Variants in VPS13D observed in about 807,000 individuals in gnomAD.
VPS13D encodes the protein vacuolar protein sorting 13 homolog D, also known as intermembrane lipid transfer protein VPS13D.
Under a neutral mutation model 461.9 loss-of-function variants are expected in VPS13D, and 187 were observed. The observed-to-expected ratio is 0.40, with a 90% confidence interval of 0.36 to 0.46. VPS13D has a LOEUF of 0.46. VPS13D is among the 20% of genes least tolerant of loss of function. The pLI is 0.60. For missense variants in VPS13D, 4,711 were observed against 5,364.9 expected, an observed-to-expected ratio of 0.88 and a Z score of 3.81; for synonymous variants, 1,951 against 1,986.3, an observed-to-expected ratio of 0.98 and a Z score of 0.47.
chr1:12,453,179 G>A lies in VPS13D; in HGVS notation c.12334-2819G>A, dbSNP rs908243623. On this transcript the variant is annotated intron_variant, in intron 65 of 69. Coordinates refer to ENST00000620676, the MANE Select transcript of VPS13D (RefSeq NM_015378.4). ...GTTGGAAATTAAGCTTTTGGCATAG[G>A]CTCACTCATCAACTTTGGATATTAA... Among the ~76,000 whole-genome samples, 13 of 152,204 alleles carry A rather than the reference G, an allele frequency of 8.5e-5. No homozygotes were observed. In the East Asian group the frequency reaches 2.5e-3, roughly 29 times the overall value.
intron 31 of VPS13D, among the ~76,000 whole-genome samples, chr1:12,319,075 G>C (rs1447636384): frequency 6.6e-6 from 1 of 152,214 alleles, no homozygotes. Flanking sequence ...AAACAACCTT[G>C]TAAATAGCTA....
chr1:12,493,796 G>A (rs1378646125), intron 67 of VPS13D, among the ~76,000 whole-genome samples: 1 of 152,212 alleles, frequency 6.6e-6, no homozygotes, highest in Non-Finnish European at 1.5e-5. Context: ...AATTCTTTAA[G>A]ATTGGAACTA....
At chr1:12,384,605 A>C (rs777216799) in intron 58 of VPS13D, among the ~76,000 whole-genome samples, 1 of 152,142 alleles carries the variant, frequency 6.6e-6, no homozygotes, top group Non-Finnish European at 1.5e-5. Flanking sequence ...ATCACAATTC[A>C]CAACACCACT....
intron 68 of VPS13D, among the ~76,000 whole-genome samples, chr1:12,501,632 TAC>T (rs1646036690): frequency 6.6e-6 from 1 of 152,252 alleles, no homozygotes; most frequent in Non-Finnish European, 1.5e-5. Flanking sequence ...GACTAACGCA[TAC>T]ATTTATTGAA....
At position 12,277,834 on chromosome 1, in the gene VPS13D, G is replaced by A; in HGVS notation, c.4246G>A (p.Glu1416Lys). The part of the protein sequence containing the change: ...FIQNFVAGDD[E>K]SRSDRLQVEI... ...CCAGAATTTTGTGGCGGGAGATGAT[G>A]AATCCAGAAGTGACCGTCTGCAGGT... The change falls in exon 19 of 70, where the codon GAA becomes AAA. Residue 1416 changes from glutamate (E) to lysine (K), a missense_variant. Around this residue, in one of 3 missense-constraint regions of VPS13D, gnomAD observed 4,411 missense variants for 4,937.8 expected, o/e 0.89. Coordinates refer to ENST00000620676, the MANE Select transcript of VPS13D (RefSeq NM_015378.4). The A allele has an allele frequency of 7.4e-6, 12 of 1,614,022 alleles. No homozygotes were observed. Among genetic ancestry groups the A allele is most frequent in the Non-Finnish European group, 1.0e-5 (12 of 1,179,962 alleles).
chr1:12,464,915 C>G (rs766643318), intron 67 of VPS13D: 5 of 152,154 alleles, frequency 3.3e-5, no homozygotes, highest in Non-Finnish European at 7.3e-5. Context: ...TTTGTCTGTT[C>G]CCAAGTAAAG....
intron 23 of VPS13D, 29 bp downstream of exon 23, chr1:12,291,153 A>T (rs1484521323): frequency 1.2e-6 from 2 of 1,601,822 alleles, no homozygotes; most frequent in African/African-American, 2.7e-5. Context: ...TTCTGACTTG[A>T]TATTTTATCA....
intron 2 of VPS13D, among the ~76,000 whole-genome samples, chr1:12,242,212 G>C (rs1640398654): frequency 6.6e-6 from 1 of 152,208 alleles, no homozygotes; most frequent in African/African-American, 2.4e-5. Context: ...TGTTAGAGCG[G>C]ACGGCCTGGA....
chr1:12,260,472 T>G (rs139320212), intron 10 of VPS13D, among the ~76,000 whole-genome samples: 44 of 152,314 alleles, frequency 2.9e-4, no homozygotes, highest in African/African-American at 9.6e-4. Context: ...TTGGTGATGT[T>G]TTTAAGACCA....
chr1:12,424,882 G>A (rs755632062), intron 65 of VPS13D, among the ~76,000 whole-genome samples: 6 of 152,088 alleles, frequency 3.9e-5, no homozygotes, highest in Non-Finnish European at 7.4e-5. Context: ...TTGCTAAGTT[G>A]AAAAGACAGA....
intron 22 of VPS13D, 111 bp downstream of exon 22, chr1:12,288,424 T>C: frequency 1.1e-6 from 1 of 931,116 alleles, no homozygotes; most frequent in Non-Finnish European, 1.7e-6. Context: ...GGCAGTGGCT[T>C]GATTGTGGTT....
intron 5 of VPS13D, among the ~76,000 whole-genome samples, chr1:12,246,051 G>GA (rs1219849030): frequency 6.6e-6 from 1 of 152,234 alleles, no homozygotes; most frequent in Admixed American, 6.5e-5. Context: ...GACAGTAGAG[G>GA]AAAGAGCTGA....
intron 36 of VPS13D, among the ~76,000 whole-genome samples, chr1:12,329,243 C>G (rs1246842856): frequency 6.6e-6 from 1 of 151,988 alleles, no homozygotes; most frequent in Admixed American, 6.6e-5. Context: ...AGACAAGAGT[C>G]TTGCTTTGTT....
intron 5 of VPS13D, among the ~76,000 whole-genome samples, chr1:12,245,643 G>T (rs1640526166): frequency 6.6e-6 from 1 of 152,066 alleles, no homozygotes; most frequent in Non-Finnish European, 1.5e-5. Flanking sequence ...AGGATGACTT[G>T]AGCCGAGGAG....
At chr1:12,329,966 A>G (rs1423063939) in intron 37 of VPS13D, 48 bp downstream of exon 37, 9 of 1,296,256 alleles carry the variant, frequency 6.9e-6, no homozygotes, top group South Asian at 1.2e-5. Context: ...ATAAATTTAA[A>G]TGTTTGCCTG....
At chr1:12,451,807 T>A (rs1056946437) in intron 65 of VPS13D, among the ~76,000 whole-genome samples, 1 of 152,248 alleles carries the variant, frequency 6.6e-6, no homozygotes, top group Non-Finnish European at 1.5e-5. Flanking sequence ...CTGCAGAATC[T>A]GATTATTCCC....
chr1:12,440,530 C>T (rs1400550544), intron 65 of VPS13D, among the ~76,000 whole-genome samples: 3 of 152,144 alleles, frequency 2.0e-5, no homozygotes, highest in Non-Finnish European at 4.4e-5. Context: ...TACAAGAGCA[C>T]AGAAGAAGGG....
In VPS13D at chr1:12,283,246, A is replaced by G. The variant is rs138361266; in HGVS notation, c.5144A>G (p.Asn1715Ser). 8.1e-6 allele frequency: 13 copies of G among 1,614,126 alleles called. No homozygotes were observed. Among genetic ancestry groups the G allele is most frequent in the African/African-American group, 6.7e-5 (5 of 75,036 alleles). ...YLSQSCPSVS[N>S]VEYPDMPRSL... ...TCTCAGTCTTGCCCCTCAGTGTCCA[A>G]TGTGGAATATCCTGATATGCCTCGG... The change falls in exon 21 of 70, where the codon AAT becomes AGT. Residue 1715 changes from asparagine to serine, a missense_variant. By Grantham distance (46) the Asn-to-Ser change is conservative. Around this residue, in one of 3 missense-constraint regions of VPS13D, gnomAD observed 4,411 missense variants for 4,937.8 expected, o/e 0.89. Coordinates refer to ENST00000620676, the MANE Select transcript of VPS13D (RefSeq NM_015378.4).
intron 65 of VPS13D, 56 bp from the exon 66 acceptor site, chr1:12,455,942 T>C: frequency 2.0e-6 from 3 of 1,535,924 alleles, no homozygotes; most frequent in Admixed American, 2.1e-5. Context: ...GTAATTCAAA[T>C]AGTAAAAATA....
Sources: allele counts gnomAD v4.1 joint callset (sites outside exome capture counted in the v4.1 genomes callset), GRCh38; gene constraint gnomAD v4.1.1; regional missense constraint gnomAD v4.1.1; transcripts MANE v1.5; gene names NCBI Gene and HGNC (gene_info 2026-07-23, HGNC 2026-07-21).